The following GLYR1 variants were observed in gnomAD, a reference collection of about 807,000 sequenced individuals.
The protein encoded by GLYR1 is glyoxylate reductase 1 homolog.
GLYR1 carries 21 observed loss-of-function variants against 72.7 expected under a neutral mutation model. That is an observed-to-expected ratio of 0.29 (90% CI 0.20 to 0.42). The LOEUF (loss-of-function observed/expected upper bound fraction) is 0.42. GLYR1 is among the 10% of genes least tolerant of loss of function. The probability of loss-of-function intolerance (pLI) is 1.00; values close to 1 mark genes in which losing one functional copy is unlikely to be tolerated. For synonymous variants in GLYR1, 392 were observed against 270.2 expected (o/e 1.45, Z -4.42); for missense variants, 594 against 712.1 (o/e 0.83, Z 1.89).
intron 3 of GLYR1, chr16:4,839,347 C>G (rs1446201166): frequency 6.6e-6 from 1 of 152,190 alleles, no homozygotes; most frequent in African/African-American, 2.4e-5. Context: ...TCTGCCTCTG[C>G]CTCTTGAAGT....
chr16:4,833,789 G>T (rs1160117110), intron 3 of GLYR1, among the ~76,000 whole-genome samples: 3 of 152,214 alleles, frequency 2.0e-5, no homozygotes, highest in Non-Finnish European at 4.4e-5. Context: ...TTTCTGATCT[G>T]TCACACTAAC....
intron 15 of GLYR1, among the ~76,000 whole-genome samples, chr16:4,807,155 AG>A (rs1252240397): frequency 8.1e-6 from 1 of 122,910 alleles, no homozygotes; most frequent in Non-Finnish European, 1.6e-5. Context: ...TCTGTCGCCC[AG>A]GCTGGAGTGC....
chr16:4,827,037 C>A (rs950697832), intron 5 of GLYR1, among the ~76,000 whole-genome samples: 1 of 152,242 alleles, frequency 6.6e-6, no homozygotes. Flanking sequence ...CAGAGTTCAT[C>A]CCCAGAAAGA....
intron 6 of GLYR1, among the ~76,000 whole-genome samples, chr16:4,823,426 T>C (rs1024187875): frequency 3.0e-4 from 46 of 152,306 alleles, no homozygotes; most frequent in African/African-American, 1.1e-3. Context: ...GCAACAGGTG[T>C]AGCCGCACCA....
intron 1 of GLYR1, chr16:4,846,981 G>C (rs1567849995): frequency 7.4e-6 from 4 of 542,510 alleles, no homozygotes; most frequent in South Asian, 6.6e-5. Context: ...TGGGCCCCGA[G>C]TGCAGACCCC....
chr16:4,829,901 G>A (rs975557412), intron 5 of GLYR1, among the ~76,000 whole-genome samples: 4 of 152,188 alleles, frequency 2.6e-5, no homozygotes, highest in East Asian at 3.9e-4. Context: ...TCGAACTCCC[G>A]ACCTGAGGTG....
rs1421274562 is a variant in GLYR1 at position 4,847,240 on chromosome 16, C to T, written c.26G>A (p.Gly9Asp). Residue 9 changes from glycine to aspartate, a missense_variant, in exon 1 of 16, where the codon GGC (glycine) becomes GAC (aspartate). Physicochemically the swap from Gly to Asp is moderately conservative, Grantham distance 94. This residue lies in a region of GLYR1 where 62 missense variants were observed against 82.5 expected (regional missense o/e 0.75). Transcript: ENST00000321919. MAAVSLRLGDLVWGKLGRY... is the reference protein window; with the variant it reads MAAVSLRLDDLVWGKLGRY... ...CGCTCGGACTCACCACACCAAGTCGCCGAGCCGCAGACTCACAGCCGCCAT... is the reference window on the plus strand; with the variant it reads ...CGCTCGGACTCACCACACCAAGTCGTCGAGCCGCAGACTCACAGCCGCCAT... The T allele has an allele frequency of 1.9e-6, 3 of 1,608,392 alleles. No homozygotes were observed. The highest frequency in any genetic ancestry group is 2.2e-5 in the East Asian group (1 of 44,640).
At chr16:4,841,581 G>A (rs973063839) in intron 3 of GLYR1, among the ~76,000 whole-genome samples, 15 of 151,196 alleles carry the variant, frequency 9.9e-5, no homozygotes, top group Admixed American at 3.3e-4. Flanking sequence ...GGAAGTCAAG[G>A]ATGCAGTAAG....
rs760217822 is a variant in GLYR1 at position 4,847,287 on chromosome 16, A to T, written c.-22T>A. The T allele has an allele frequency of 2.5e-6, 4 of 1,609,276 alleles. No individual in the cohort carries two copies. The highest frequency in any genetic ancestry group is 1.3e-5 in the African/African-American group (1 of 74,450). Reference sequence around the variant, plus strand: ...CCATCTTACCACCCAACCACCGCCGACGCACGGGCCGCCGGGAACAGCAAG... The same window carrying T: ...CCATCTTACCACCCAACCACCGCCGTCGCACGGGCCGCCGGGAACAGCAAG... On this transcript the variant is annotated 5_prime_UTR_variant, in exon 1 of 16. Transcript: ENST00000321919.
In GLYR1 at chr16:4,804,963, G is replaced by C; in HGVS notation, c.*273C>G. On this transcript the variant is annotated 3_prime_UTR_variant, in exon 16 of 16. Transcript: ENST00000321919. The stretch of plus-strand genomic sequence containing the variant: ...TGTGTGTGTGTGTGTGTGTGTGTGT[G>C]TGTGTGTGAACACACAGCCACCTCG... The C allele has an allele frequency of 1.9e-6, 1 of 534,868 alleles. No homozygotes were observed. Among genetic ancestry groups the C allele is most frequent in the East Asian group, 3.2e-5 (1 of 31,646 alleles). 33.1% of individuals were successfully genotyped at this position (534,868 alleles called of 1,614,324 possible).
chr16:4,829,626 A>G (rs567149701), intron 5 of GLYR1, among the ~76,000 whole-genome samples: 14 of 151,850 alleles, frequency 9.2e-5, no homozygotes, highest in African/African-American at 3.1e-4. Context: ...AGGGGGGACT[A>G]CAGGCACACA....
chr16:4,843,444 C>T (rs2085710534), intron 3 of GLYR1: 1 of 1,214,960 alleles, frequency 8.2e-7, no homozygotes, highest in Non-Finnish European at 1.0e-6. Flanking sequence ...CCTGAGGCAC[C>T]ATGCCCGGCC....
At chr16:4,823,975 A>C in intron 5 of GLYR1, 68 bp from the exon 6 acceptor site, 32 of 1,300,310 alleles carry the variant, frequency 2.5e-5, no homozygotes, top group Non-Finnish European at 3.2e-5. Context: ...TGCAAGCTCC[A>C]CAGTCTAAGG....
intron 13 of GLYR1, 78 bp from the exon 14 acceptor site, chr16:4,811,880 C>A: frequency 6.6e-7 from 1 of 1,508,744 alleles, no homozygotes; most frequent in South Asian, 1.3e-5. Context: ...CACCTCTGCT[C>A]AGACCCACCT....
rs1333559133 is a variant in GLYR1 at position 4,804,991 on chromosome 16, CG to C, written c.*244del. 2 of 543,860 alleles carry C rather than the reference CG, an allele frequency of 3.7e-6. No homozygotes were observed. The highest frequency in any genetic ancestry group is 3.1e-5 in the Admixed American group (1 of 32,224). The allele number at this position is 543,860 out of a possible 1,614,324, so 33.7% of individuals were successfully genotyped here. On this transcript the variant is annotated 3_prime_UTR_variant, in exon 16 of 16. Coordinates refer to ENST00000321919, the MANE Select transcript of GLYR1 (RefSeq NM_032569.4). ...TGTGTGAACACACAGCCACCTCGTC[CG>C]GGGGGCCAGTGCCCAGCTCAAGAGC...
intron 3 of GLYR1, among the ~76,000 whole-genome samples, chr16:4,841,978 A>G (rs1567817056): frequency 6.6e-6 from 1 of 152,156 alleles, no homozygotes; most frequent in Non-Finnish European, 1.5e-5. Flanking sequence ...GCGATGGCTC[A>G]CGCCTGTAAT....
chr16:4,841,392 G>A (rs1018106703), intron 3 of GLYR1, among the ~76,000 whole-genome samples: 6 of 146,802 alleles, frequency 4.1e-5, no homozygotes, highest in Non-Finnish European at 5.9e-5. Flanking sequence ...AGGCCGAGGT[G>A]GGAGGATCAC....
chr16:4,826,451 C>A (rs1213645311), intron 5 of GLYR1, among the ~76,000 whole-genome samples: 1 of 152,140 alleles, frequency 6.6e-6, no homozygotes, highest in Non-Finnish European at 1.5e-5. Flanking sequence ...AGAAGCACAT[C>A]CTAGAAAAGC....
chr16:4,812,682 C>CG (rs1375780995), intron 12 of GLYR1, among the ~76,000 whole-genome samples: 8 of 150,836 alleles, frequency 5.3e-5, no homozygotes, highest in South Asian at 2.1e-4. Flanking sequence ...TTAGTAGAGA[C>CG]AGGTTTCACC....
Sources: gnomAD v4.1 joint callset for allele counts (sites outside exome capture counted in the v4.1 genomes callset) on GRCh38, gnomAD v4.1.1 for gene constraint, gnomAD v4.1.1 regional missense constraint, MANE v1.5 for transcripts, NCBI Gene and HGNC (gene_info 2026-07-23, HGNC 2026-07-21) for gene names.